RADIL: variants seen among roughly 807,000 people sequenced by gnomAD.
RADIL encodes Rap associating with DIL domain.
Under a neutral mutation model 97.6 loss-of-function variants are expected in RADIL, and 99 were observed. The observed-to-expected ratio is 1.01, with a 90% CI of 0.86 to 1.20. The LOEUF (loss-of-function observed/expected upper bound fraction) is 1.20, where lower values mean the gene tolerates loss of function less well. Among genes scored for constraint, RADIL ranks in the 50% most tolerant of loss-of-function variants. The pLI, the probability that RADIL is intolerant of heterozygous loss-of-function variation, is 0.00. For missense variants in RADIL, 1,765 were observed against 1,498.9 expected (o/e 1.18, Z -2.93); for synonymous variants, 803 against 691.8 (o/e 1.16, Z -2.52).
rs753985278 is a variant in RADIL, at chr7:4,835,264, C to T, written c.784-25G>A. 2.5e-6 allele frequency: 4 copies of T among 1,602,520 alleles called. No individual in the cohort carries two copies. Among genetic ancestry groups the T allele is most frequent in the East Asian group, 4.5e-5 (2 of 44,726 alleles). ...CCTGAAACAGAGACTCCGCTCAGGGCAGGCGTAACGCGAGCAGCACACGGG... is the reference window on the plus strand; with the variant it reads ...CCTGAAACAGAGACTCCGCTCAGGGTAGGCGTAACGCGAGCAGCACACGGG... On this transcript the variant is annotated intron_variant, in intron 3 of 14. Coordinates refer to ENST00000399583, the MANE Select transcript of RADIL (RefSeq NM_018059.5). The surrounding 1 kb of genome is among the most constrained non-coding windows in gnomAD (Gnocchi z 5.8).
chr7:4,799,593 T>C (rs1397368842), intron 14 of RADIL, 37 bp downstream of exon 14: 1 of 1,606,550 alleles, frequency 6.2e-7, no homozygotes, highest in South Asian at 1.1e-5. Context: ...GCAGGGCATC[T>C]GGGAGAAGGG....
chr7:4,839,071 G>A (rs1040067371), intron 2 of RADIL, among the ~76,000 whole-genome samples: 1 of 152,232 alleles, frequency 6.6e-6, no homozygotes, highest in African/African-American at 2.4e-5. Flanking sequence ...AGAGAAGACC[G>A]TAGCCAGCTG....
chr7:4,830,543 G>C (rs1380786460), intron 5 of RADIL, among the ~76,000 whole-genome samples: 1 of 152,142 alleles, frequency 6.6e-6, no homozygotes, highest in Non-Finnish European at 1.5e-5. Context: ...GGAGAGCAAG[G>C]GAGGAGAAGG....
intron 2 of RADIL, among the ~76,000 whole-genome samples, chr7:4,843,334 C>G (rs1048790696): frequency 6.6e-6 from 1 of 151,840 alleles, no homozygotes; most frequent in Non-Finnish European, 1.5e-5. Context: ...TTAAAGTGGC[C>G]CCTAGTAACA....
chr7:4,825,097 A>G (rs1051375880), intron 5 of RADIL, among the ~76,000 whole-genome samples: 3 of 151,604 alleles, frequency 2.0e-5, no homozygotes, highest in Non-Finnish European at 4.4e-5. Context: ...AGGAAAACCC[A>G]TGTTGTTCTA....
chr7:4,845,777 C>G (rs1783551579), intron 2 of RADIL, among the ~76,000 whole-genome samples: 1 of 152,166 alleles, frequency 6.6e-6, no homozygotes. Context: ...TGAAAAGCAA[C>G]TGAAAACCTA....
chr7:4,820,926 TG>T (rs1049763419), intron 6 of RADIL, among the ~76,000 whole-genome samples: 1 of 152,020 alleles, frequency 6.6e-6, no homozygotes, highest in African/African-American at 2.4e-5. Context: ...CCCTAAGGCA[TG>T]GGGGGGCACA....
rs1398460478 is a variant in RADIL, at chr7:4,837,238, C to T, written c.536-633G>A. ...CACCGCGGCCTGCCCGACCAGCCAG[C>T]ACCACGGCCCACAGGCCTCAAACCA... On this transcript the variant is annotated intron_variant, in intron 2 of 14. Coordinates refer to ENST00000399583, the MANE Select transcript of RADIL (RefSeq NM_018059.5). The surrounding 1 kb of genome is among the most constrained non-coding windows in gnomAD (Gnocchi z 5.6). Among the ~76,000 whole-genome samples, 1 of 152,202 alleles carries T rather than the reference C, an allele frequency of 6.6e-6. No homozygotes were observed. The highest frequency in any genetic ancestry group is 2.4e-5 in the African/African-American group (1 of 41,458).
chr7:4,804,187 G>A (rs1051929322), intron 10 of RADIL: 1 of 269,432 alleles, frequency 3.7e-6, no homozygotes, highest in Admixed American at 4.2e-5. Context: ...GCCTGTGTGC[G>A]GGCTGCTCTC....
chr7:4,842,316 G>A lies in RADIL; in HGVS notation c.536-5711C>T, dbSNP rs968330386. 2.0e-5 allele frequency among the ~76,000 whole-genome samples: 3 copies of A among 152,128 alleles called. No homozygotes were observed. The highest frequency in any genetic ancestry group is 6.5e-5 in the Admixed American group (1 of 15,270). Reference sequence around the variant, plus strand: ...TCCATGTCCCTGAAGCTCTGTTAGCGGCCTTCCTCCCCAGCCTGGGCCAAG... The same window carrying A: ...TCCATGTCCCTGAAGCTCTGTTAGCAGCCTTCCTCCCCAGCCTGGGCCAAG... On this transcript the variant is annotated intron_variant, in intron 2 of 14. Coordinates refer to ENST00000399583, the MANE Select transcript of RADIL (RefSeq NM_018059.5). The surrounding 1 kb of genome is among the most constrained non-coding windows in gnomAD (Gnocchi z 4.5).
At chr7:4,877,088 G>A (rs1328167028) in intron 2 of RADIL, among the ~76,000 whole-genome samples, 1 of 152,198 alleles carries the variant, frequency 6.6e-6, no homozygotes, top group Non-Finnish European at 1.5e-5. Context: ...CTCAAATATT[G>A]CAAGAATATA....
chr7:4,861,909 T>C, intron 2 of RADIL: 1 of 788,118 alleles, frequency 1.3e-6, no homozygotes, highest in South Asian at 2.8e-5. Context: ...GCAGGGCTTC[T>C]AGCTGCCCTG....
intron 9 of RADIL, among the ~76,000 whole-genome samples, chr7:4,806,689 C>G (rs1001668800): frequency 3.2e-4 from 48 of 152,338 alleles, no homozygotes; most frequent in African/African-American, 1.1e-3. Context: ...TGGAATAGAT[C>G]TTCTAGTAGC....
At position 4,815,566 on chromosome 7, in the gene RADIL, T is replaced by A; in HGVS notation, c.1967-116A>T. On this transcript the variant is annotated intron_variant, in intron 8 of 14. Transcript: ENST00000399583. This position sits in a 1 kb window ranked among gnomAD's most constrained non-coding sequence, Gnocchi z 8.0. ...TCTGGGCCACTGAGGACATCACAGC[T>A]CGATGACAGGCAGGACACCTTCCCT... The A allele has an allele frequency of 8.7e-7, 1 of 1,143,064 alleles. No individual in the cohort carries two copies. The highest frequency in any genetic ancestry group is 1.2e-6 in the Non-Finnish European group (1 of 838,202). 70.8% of individuals were successfully genotyped at this position (1,143,064 alleles called of 1,614,324 possible).
At chr7:4,803,970 C>T (rs117176565) in intron 10 of RADIL, 13,112 of 651,406 alleles carry the variant, frequency 0.02, 199 homozygotes, top group Middle Eastern at 0.052. Flanking sequence ...GTGTGACATC[C>T]GAGCAGTTCA....
At chr7:4,861,240 G>A in intron 2 of RADIL, 1 of 1,614,062 alleles carries the variant, frequency 6.2e-7, no homozygotes, top group Non-Finnish European at 8.5e-7. Context: ...AAATTTTTAA[G>A]TAGACTGTCA....
rs879172985 is a variant in RADIL at position 4,865,719 on chromosome 7, G to A, written c.535+11886C>T. ...CAGCATCTGTGATTCCATCTTCTAC[G>A]GGGTGGGTGCAATCAAGAGTGAACT... is the stretch of plus-strand genomic sequence containing the variant. On this transcript the variant is annotated intron_variant, in intron 2 of 14. Transcript: ENST00000399583. The A allele has an allele frequency of 6.4e-5, 67 of 1,045,962 alleles. 1 individual carries two copies. The highest frequency in any genetic ancestry group is 4.8e-4 in the South Asian group (38 of 79,896). The allele number at this position is 1,045,962 out of a possible 1,614,324, so 64.8% of individuals were successfully genotyped here. A position where few individuals can be genotyped will look rare whatever the true frequency, so the allele number is the denominator to read the frequency against.
At chr7:4,801,247 C>G (rs776446089) in intron 12 of RADIL, among the ~76,000 whole-genome samples, 3 of 152,224 alleles carry the variant, frequency 2.0e-5, no homozygotes, top group Non-Finnish European at 2.9e-5. Context: ...TATCCACACG[C>G]ACAAGCACAC....
chr7:4,847,824 A>G (rs1056043018), intron 2 of RADIL, among the ~76,000 whole-genome samples: 1 of 150,106 alleles, frequency 6.7e-6, no homozygotes, highest in African/African-American at 2.4e-5. Flanking sequence ...GTATAGAGCC[A>G]GAAAACTGAT....
Sources: allele counts gnomAD v4.1 joint callset (sites outside exome capture counted in the v4.1 genomes callset), GRCh38; gene constraint gnomAD v4.1.1; non-coding constraint Gnocchi (gnomAD v3.1); transcripts MANE v1.5; gene names NCBI Gene and HGNC (gene_info 2026-07-23, HGNC 2026-07-21).